The following SLC4A7 variants were observed in gnomAD, a reference collection of about 807,000 sequenced individuals.
SLC4A7 encodes the protein sodium bicarbonate cotransporter 3.
A neutral mutation model predicts 137.6 loss-of-function variants in SLC4A7; 51 were observed. The ratio of observed to expected loss-of-function variants is 0.37; its 90% CI spans 0.30 to 0.47. The LOEUF is 0.47. Ranked by LOEUF, SLC4A7 falls within the 20% of genes least tolerant of loss-of-function variation. The pLI is 1.00. For missense variants in SLC4A7, 1,247 were observed against 1,525.4 expected, an observed-to-expected ratio of 0.82 and a Z score of 3.04; for synonymous variants, 542 against 518.6, an observed-to-expected ratio of 1.05 and a Z score of -0.61.
intron 1 of SLC4A7, among the ~76,000 whole-genome samples, chr3:27,464,050 C>T (rs559241309): frequency 6.6e-6 from 1 of 152,100 alleles, no homozygotes; most frequent in African/African-American, 2.4e-5. Context: ...ACCAGGCGTG[C>T]CTGTTATCCC....
chr3:27,443,024 C>CTT (rs1156950293), intron 3 of SLC4A7, among the ~76,000 whole-genome samples: 1,094 of 102,006 alleles, frequency 0.011, 71 homozygotes, highest in East Asian at 0.02. Context: ...TCTCTTTTTT[C>CTT]TTTTTTTCTT....
chr3:27,441,421 C>T (rs1426483673), intron 3 of SLC4A7, among the ~76,000 whole-genome samples: 1 of 152,136 alleles, frequency 6.6e-6, no homozygotes, highest in Non-Finnish European at 1.5e-5. Flanking sequence ...ATCCCTGATG[C>T]CATCTGAGAG....
chr3:27,436,739 CTCTT>C (rs1445446754), intron 4 of SLC4A7, among the ~76,000 whole-genome samples, 191 bp from the exon 5 acceptor site: 1 of 151,912 alleles, frequency 6.6e-6, no homozygotes, highest in African/African-American at 2.4e-5. Flanking sequence ...TTTGTAGTTC[CTCTT>C]TCTATTCTAG....
intron 2 of SLC4A7, among the ~76,000 whole-genome samples, chr3:27,450,025 T>C (rs192067531): frequency 4.1e-4 from 63 of 152,304 alleles, no homozygotes; most frequent in Admixed American, 6.5e-4. Context: ...TTTCATGCCA[T>C]TTTTCGGACA....
intron 1 of SLC4A7, among the ~76,000 whole-genome samples, chr3:27,473,079 C>CAAA (rs35807931): frequency 7.6e-6 from 1 of 131,548 alleles, no homozygotes; most frequent in Non-Finnish European, 1.6e-5. Context: ...GACTCTGTCT[C>CAAA]AAAAAAAAAA....
At chr3:27,384,050 GT>G (rs1178923599) in intron 23 of SLC4A7, among the ~76,000 whole-genome samples, 5 of 152,182 alleles carry the variant, frequency 3.3e-5, no homozygotes, top group Admixed American at 6.5e-5. Context: ...AAATTATGAT[GT>G]TAATAATGGC....
chr3:27,390,715 T>C (rs6551196), intron 21 of SLC4A7, among the ~76,000 whole-genome samples: 85,006 of 152,014 alleles, frequency 0.56, 23,894 homozygotes, highest in Middle Eastern at 0.61. Context: ...AATAAAGATG[T>C]TTTCCTGCCA....
At chr3:27,481,209 T>C (rs450189) in intron 1 of SLC4A7, among the ~76,000 whole-genome samples, 44,624 of 151,980 alleles carry the variant, frequency 0.29, 8,292 homozygotes, top group East Asian at 0.74. Flanking sequence ...CAAGTGAGGC[T>C]TACAATTATG....
Position 27,403,128 on chromosome 3 carries a change from G to A in SLC4A7, c.2321+11C>T, listed in dbSNP as rs745725176. 3.1e-6 allele frequency: 5 copies of A among 1,589,296 alleles called. No homozygotes were observed. Among genetic ancestry groups the A allele is most frequent in the Admixed American group, 1.9e-5 (1 of 53,660 alleles). On this transcript the variant is annotated intron_variant, in intron 15 of 25. Transcript: ENST00000454389. Reference sequence around the variant, plus strand: ...CACATTTTAATATTAGGAGAAAAGAGAAATACTTACGAGTAGCTGGTCAGT... The same window carrying A: ...CACATTTTAATATTAGGAGAAAAGAAAAATACTTACGAGTAGCTGGTCAGT...
rs370726776 is a variant in SLC4A7, at chr3:27,431,446, T to C, written c.1002A>G (p.Gln334=). 5.5e-5 allele frequency: 89 copies of C among 1,613,972 alleles called. No homozygotes were observed. In the African/African-American group the frequency reaches 9.7e-4, roughly 18 times the overall value. ...GTTCTGGGGCCTGACGCTGACTCTC[T>C]TGGGAACTTCTGGAGGTCAGGCGGC... ...SISRLTSRSS[Q]ESQRQAPELL... is the part of the protein sequence containing the mutation. The change falls in exon 7 of 26, where the codon CAA becomes CAG. Residue 334 remains glutamine (Q), a synonymous_variant. Coordinates refer to ENST00000454389, the MANE Select transcript of SLC4A7 (RefSeq NM_001321103.2).
At chr3:27,414,173 G>A (rs909260094) in intron 11 of SLC4A7, among the ~76,000 whole-genome samples, 5 of 152,078 alleles carry the variant, frequency 3.3e-5, no homozygotes, top group Non-Finnish European at 2.9e-5. Context: ...CCACCTACTC[G>A]GGAGGCTGAG....
In SLC4A7 at chr3:27,379,318, G is replaced by T; in HGVS notation, c.3629C>A (p.Ala1210Asp). The T allele has an allele frequency of 6.5e-7, 1 of 1,535,522 alleles. No individual in the cohort carries two copies. The highest frequency in any genetic ancestry group is 8.7e-7 in the Non-Finnish European group (1 of 1,146,218). Reference protein sequence around the residue: ...PSIVNISDEMAKTAQWKALSM... With the variant: ...PSIVNISDEMDKTAQWKALSM... ...AAGTGCCTTCCACTGTGCAGTTTTGGCCATTTCATCTGATATGTTAACAAT... is the reference window on the plus strand; with the variant it reads ...AAGTGCCTTCCACTGTGCAGTTTTGTCCATTTCATCTGATATGTTAACAAT... The change falls in exon 25 of 26, where the codon GCC (alanine) becomes GAC (aspartate). Residue 1210 changes from alanine (A) to aspartate (D), a missense_variant. Physicochemically the swap from Ala to Asp is moderately radical, Grantham distance 126. Coordinates refer to ENST00000454389, the MANE Select transcript of SLC4A7 (RefSeq NM_001321103.2).
intron 15 of SLC4A7, among the ~76,000 whole-genome samples, chr3:27,402,558 G>A (rs1197722024): frequency 6.6e-6 from 1 of 152,036 alleles, no homozygotes; most frequent in Admixed American, 6.6e-5. Flanking sequence ...AAATTAGCTA[G>A]GCACGGTGAT....
At chr3:27,404,374 T>C (rs891005592) in intron 14 of SLC4A7, among the ~76,000 whole-genome samples, 8 of 152,098 alleles carry the variant, frequency 5.3e-5, no homozygotes, top group Non-Finnish European at 1.2e-4. Flanking sequence ...CTCAAATAAA[T>C]GAATACATAA....
intron 19 of SLC4A7, 66 bp from the exon 20 acceptor site, chr3:27,394,835 C>A (rs531119462): frequency 3.8e-6 from 6 of 1,560,870 alleles, no homozygotes; most frequent in South Asian, 1.2e-5. Flanking sequence ...AAATTCTACA[C>A]GAATTATAAA....
At chr3:27,472,432 G>A (rs963969634) in intron 1 of SLC4A7, among the ~76,000 whole-genome samples, 7 of 151,924 alleles carry the variant, frequency 4.6e-5, no homozygotes, top group South Asian at 2.1e-4. Flanking sequence ...TATGGGTTGC[G>A]TCACTGCACT....
At chr3:27,480,888 C>T (rs991139185) in intron 1 of SLC4A7, among the ~76,000 whole-genome samples, 5 of 152,130 alleles carry the variant, frequency 3.3e-5, no homozygotes, top group South Asian at 2.1e-4. Context: ...TCACACCATA[C>T]GCCAAAATAA....
At chr3:27,443,810 A>G (rs549118592) in intron 3 of SLC4A7, among the ~76,000 whole-genome samples, 1 of 152,316 alleles carries the variant, frequency 6.6e-6, no homozygotes, top group African/African-American at 2.4e-5. Flanking sequence ...ATTTTCAATG[A>G]GTTCAAAATA....
intron 1 of SLC4A7, among the ~76,000 whole-genome samples, chr3:27,464,119 A>G (rs1363980954): frequency 6.6e-6 from 1 of 152,156 alleles, no homozygotes; most frequent in African/African-American, 2.4e-5. Flanking sequence ...GAAGCTAGTG[A>G]GCCGAGATTG....
Sources: allele counts gnomAD v4.1 joint callset (sites outside exome capture counted in the v4.1 genomes callset), GRCh38; gene constraint gnomAD v4.1.1; transcripts MANE v1.5; gene names NCBI Gene and HGNC (gene_info 2026-07-23, HGNC 2026-07-21).